Variants in HTR7 observed in about 807,000 individuals in gnomAD.
HTR7 encodes the protein 5-HT-7.
A neutral mutation model predicts 34.0 loss-of-function variants in HTR7; 16 were observed. That is an observed-to-expected ratio of 0.47 (90% CI 0.32 to 0.71). The LOEUF (loss-of-function observed/expected upper bound fraction) is 0.71. Among genes scored for constraint, HTR7 ranks in the 30% least tolerant of loss-of-function variants. HTR7 has a pLI of 0.04. For synonymous variants in HTR7, 265 were observed against 260.2 expected (o/e 1.02, Z -0.18); for missense variants, 504 against 625.5 (o/e 0.81, Z 2.07).
At chr10:90,825,156 G>A (rs1361231934) in intron 1 of HTR7, among the ~76,000 whole-genome samples, 1 of 152,182 alleles carries the variant, frequency 6.6e-6, no homozygotes, top group Non-Finnish European at 1.5e-5. Flanking sequence ...AGAAAGTAAG[G>A]CAAGAATATG....
chr10:90,804,544 C>G (rs1400095384), intron 1 of HTR7, among the ~76,000 whole-genome samples: 2 of 152,194 alleles, frequency 1.3e-5, no homozygotes, highest in Non-Finnish European at 1.5e-5. Context: ...GCTCCCCCTC[C>G]CACAAGAGGT....
intron 1 of HTR7, among the ~76,000 whole-genome samples, chr10:90,804,433 G>C (rs913124258): frequency 2.1e-4 from 32 of 152,218 alleles, no homozygotes; most frequent in Non-Finnish European, 4.1e-4. Flanking sequence ...GGGTTCCAGA[G>C]GTTGTGGGCA....
chr10:90,812,279 A>T (rs1392736086), intron 1 of HTR7, among the ~76,000 whole-genome samples: 2 of 151,862 alleles, frequency 1.3e-5, no homozygotes, highest in Admixed American at 1.3e-4. Flanking sequence ...ACTCCTATTC[A>T]CCATTCTCAG....
intron 1 of HTR7, among the ~76,000 whole-genome samples, chr10:90,855,197 T>C (rs79052885): frequency 0.023 from 3,528 of 152,348 alleles, 64 homozygotes; most frequent in Middle Eastern, 0.075. Context: ...CCACAATTTG[T>C]GACAATCATA....
intron 1 of HTR7, among the ~76,000 whole-genome samples, chr10:90,818,890 T>C (rs1031638825): frequency 1.2e-4 from 19 of 152,276 alleles, no homozygotes; most frequent in Admixed American, 7.2e-4. Flanking sequence ...TCTCATGAGA[T>C]CTGGTTGTTT....
intron 1 of HTR7, among the ~76,000 whole-genome samples, chr10:90,789,436 A>G (rs529797044): frequency 6.6e-6 from 1 of 152,326 alleles, no homozygotes; most frequent in African/African-American, 2.4e-5. Flanking sequence ...AAACTGTGTC[A>G]GGAGGGATAT....
intron 1 of HTR7, among the ~76,000 whole-genome samples, chr10:90,782,303 C>T (rs1215233942): frequency 6.6e-6 from 1 of 152,102 alleles, no homozygotes; most frequent in Non-Finnish European, 1.5e-5. Flanking sequence ...CATTGACCCC[C>T]GCTAAGGCTT....
intron 1 of HTR7, among the ~76,000 whole-genome samples, chr10:90,761,913 C>T (rs1400074607): frequency 6.6e-6 from 1 of 152,172 alleles, no homozygotes; most frequent in Non-Finnish European, 1.5e-5. Context: ...ACTTATTTCA[C>T]TTAGCATAAT....
At chr10:90,788,242 A>G (rs1269164044) in intron 1 of HTR7, among the ~76,000 whole-genome samples, 3 of 152,144 alleles carry the variant, frequency 2.0e-5, no homozygotes, top group Non-Finnish European at 4.4e-5. Flanking sequence ...AGCTGATCTG[A>G]TAACCCCCCA....
intron 1 of HTR7, among the ~76,000 whole-genome samples, chr10:90,808,804 T>A (rs1404067054): frequency 6.6e-6 from 1 of 152,132 alleles, no homozygotes; most frequent in Non-Finnish European, 1.5e-5. Flanking sequence ...ATGCCTTACT[T>A]TCTTCTGCAA....
At chr10:90,783,371 C>T (rs1373766860) in intron 1 of HTR7, among the ~76,000 whole-genome samples, 1 of 152,124 alleles carries the variant, frequency 6.6e-6, no homozygotes, top group Non-Finnish European at 1.5e-5. Context: ...GTCTTACTCC[C>T]CACTTTGTAA....
intron 1 of HTR7, among the ~76,000 whole-genome samples, chr10:90,851,217 A>G (rs546060470): frequency 4.5e-4 from 69 of 152,338 alleles, no homozygotes; most frequent in African/African-American, 1.2e-3. Flanking sequence ...TTCAACAGAA[A>G]TGATGGCAGT....
intron 2 of HTR7, 91 bp downstream of exon 2, chr10:90,748,748 T>C: frequency 7.4e-7 from 1 of 1,345,292 alleles, no homozygotes; most frequent in Non-Finnish European, 1.0e-6. Context: ...CTAAGCTAGC[T>C]ACTCGTTCAG....
chr10:90,823,269 C>T (rs969467291), intron 1 of HTR7, among the ~76,000 whole-genome samples: 1 of 152,190 alleles, frequency 6.6e-6, no homozygotes, highest in Non-Finnish European at 1.5e-5. Context: ...TGCAGATACA[C>T]AGGGGTGGAG....
chr10:90,767,566 TC>T (rs1258953701), intron 1 of HTR7, among the ~76,000 whole-genome samples: 1 of 152,188 alleles, frequency 6.6e-6, no homozygotes, highest in African/African-American at 2.4e-5. Flanking sequence ...TAAATTTTTC[TC>T]CTTCTCTTTA....
At chr10:90,849,982 A>G (rs968115667) in intron 1 of HTR7, among the ~76,000 whole-genome samples, 7 of 152,214 alleles carry the variant, frequency 4.6e-5, no homozygotes, top group Non-Finnish European at 5.9e-5. Context: ...ACTTGCCAAA[A>G]TTGGGTGAAG....
chr10:90,811,577 C>T (rs563459155), intron 1 of HTR7, among the ~76,000 whole-genome samples: 14 of 152,192 alleles, frequency 9.2e-5, no homozygotes, highest in South Asian at 8.3e-4. Context: ...CCTCTTAGAA[C>T]CTCTCATTTC....
chr10:90,833,331 A>G (rs528017109), intron 1 of HTR7, among the ~76,000 whole-genome samples: 11 of 152,316 alleles, frequency 7.2e-5, no homozygotes, highest in Non-Finnish European at 1.5e-4. Context: ...TGAATAGACC[A>G]TATTTTACAT....
At chr10:90,825,135 A>G (rs531130864) in intron 1 of HTR7, among the ~76,000 whole-genome samples, 1 of 152,316 alleles carries the variant, frequency 6.6e-6, no homozygotes, top group South Asian at 2.1e-4. Flanking sequence ...GAGAAGCTCC[A>G]TTTGTTTAGG....
Sources: allele counts gnomAD v4.1 joint callset (sites outside exome capture counted in the v4.1 genomes callset), GRCh38; gene constraint gnomAD v4.1.1; transcripts MANE v1.5; gene names NCBI Gene and HGNC (gene_info 2026-07-23, HGNC 2026-07-21).